Variants in TCTN3 observed in about 807,000 individuals in gnomAD.
TCTN3 encodes tectonic family member 3.
In TCTN3, 57 loss-of-function variants were observed where a neutral mutation model predicts 71.3. The ratio of observed to expected loss-of-function variants is 0.80; its 90% confidence interval spans 0.65 to 1.00. The LOEUF is 1.00. TCTN3 is among the 50% of genes least tolerant of loss of function. The pLI is 0.00. For synonymous variants in TCTN3, 258 were observed against 267.8 expected, an observed-to-expected ratio of 0.96 and a Z score of 0.36; for missense variants, 696 against 719.9, an observed-to-expected ratio of 0.97 and a Z score of 0.38.
chr10:95,688,413 A>G lies in TCTN3; in HGVS notation c.500-694T>C, dbSNP rs59311773. ...CAAAAAAAAGAAAAAAAAAAAAAAA[A>G]AAAAAGAAAAAAAAAGAAAATAGGA... On this transcript the variant is annotated intron_variant, in intron 3 of 13. Transcript: ENST00000371217. 7.1e-5 allele frequency among the ~76,000 whole-genome samples: 8 copies of G among 113,040 alleles called. No homozygotes were observed. In the South Asian group the frequency reaches 9.4e-4, roughly 13 times the overall value. 74.2% of individuals were successfully genotyped at this position (113,040 alleles called of 152,430 possible). A position where few individuals can be genotyped will look rare whatever the true frequency, so the allele number is the denominator to read the frequency against.
chr10:95,668,644 T>TC (rs113729469), intron 13 of TCTN3, among the ~76,000 whole-genome samples: 26 of 150,836 alleles, frequency 1.7e-4, no homozygotes, highest in East Asian at 7.8e-4. Context: ...ACATGCATCT[T>TC]CCCCCCCCAA....
chr10:95,672,685 CTTTTTTT>C (rs766029244), intron 13 of TCTN3, among the ~76,000 whole-genome samples: 1 of 80,374 alleles, frequency 1.2e-5, no homozygotes, highest in African/African-American at 4.8e-5. Context: ...CTGTTCAAAT[CTTTTTTT>C]TTTTTTTTTT....
chr10:95,671,065 T>C (rs899724080), intron 13 of TCTN3, among the ~76,000 whole-genome samples: 1 of 152,182 alleles, frequency 6.6e-6, no homozygotes, highest in African/African-American at 2.4e-5. Flanking sequence ...ATTTTTCCAT[T>C]TGTGTTTTAA....
rs1050687013 is a variant in TCTN3 at position 95,691,102 on chromosome 10, T to C, written c.499+1818A>G. ...AGCAGGGAGCACCAGGTAGGTGCCA[T>C]TGCAATAACCCTGGAGCATGATCAT... On this transcript the variant is annotated intron_variant, in intron 3 of 13. Coordinates refer to ENST00000371217, the MANE Select transcript of TCTN3 (RefSeq NM_015631.6). Among the ~76,000 whole-genome samples, 21 of 152,294 alleles carry C rather than the reference T, an allele frequency of 1.4e-4. No homozygotes were observed. In the East Asian group the frequency reaches 3.5e-3, roughly 25 times the overall value.
At chr10:95,686,597 C>T (rs1386406277) in intron 6 of TCTN3, 67 bp from the exon 7 acceptor site, 1 of 1,503,096 alleles carries the variant, frequency 6.7e-7, no homozygotes, top group East Asian at 2.3e-5. Flanking sequence ...CTTGTGGTTT[C>T]ATATTACTAC....
chr10:95,677,160 G>A (rs2097937905), intron 13 of TCTN3, among the ~76,000 whole-genome samples: 1 of 152,084 alleles, frequency 6.6e-6, no homozygotes. Flanking sequence ...AATTGATACT[G>A]CATATTCCTT....
chr10:95,666,095 C>G (rs2097925393), intron 13 of TCTN3, among the ~76,000 whole-genome samples: 1 of 152,066 alleles, frequency 6.6e-6, no homozygotes, highest in Non-Finnish European at 1.5e-5. Context: ...TGCCCACCAT[C>G]ACACCTGGCT....
chr10:95,680,740 A>C (rs201418291), intron 12 of TCTN3, 131 bp from the exon 13 acceptor site: 1 of 1,006,010 alleles, frequency 9.9e-7, no homozygotes, highest in Non-Finnish European at 1.4e-6. Context: ...GTGGAAGAAC[A>C]CAAAAGTTCA....
rs139612049 is a variant in TCTN3 at position 95,680,572 on chromosome 10, G to A, written c.1490C>T (p.Ser497Phe). 1 of 1,614,112 alleles carries A rather than the reference G, an allele frequency of 6.2e-7. No individual in the cohort carries two copies. Among genetic ancestry groups the A allele is most frequent in the Admixed American group, 1.7e-5 (1 of 60,014 alleles). Residue 497 changes from serine to phenylalanine, a missense_variant, in exon 13 of 14, where the codon TCC (serine) becomes TTC (phenylalanine). Ser to Phe is a radical substitution (Grantham distance 155). Coordinates refer to ENST00000371217, the MANE Select transcript of TCTN3 (RefSeq NM_015631.6). The part of the protein sequence containing the change: ...NCTSCCLIPV[S>F]LEIQVLWAYV... Reference sequence around the variant, plus strand: ...TGCCCACAATACCTGGATCTCCAGGGAAACTGGTATGAGACAGCAGGAAGT... The same window carrying A: ...TGCCCACAATACCTGGATCTCCAGGAAAACTGGTATGAGACAGCAGGAAGT...
intron 3 of TCTN3, among the ~76,000 whole-genome samples, chr10:95,691,817 A>G (rs976934608): frequency 1.3e-5 from 2 of 152,218 alleles, no homozygotes; most frequent in African/African-American, 4.8e-5. Context: ...ATTGTACTCT[A>G]CAGTTGTAGA....
chr10:95,677,287 A>G (rs562185979), intron 13 of TCTN3, among the ~76,000 whole-genome samples: 1 of 152,260 alleles, frequency 6.6e-6, no homozygotes, highest in South Asian at 2.1e-4. Flanking sequence ...AGAACCCTAA[A>G]TAGTATAAAA....
chr10:95,693,176 T>C lies in TCTN3; in HGVS notation c.381-138A>G, dbSNP rs1373959623. 3 of 1,237,706 alleles carry C rather than the reference T, an allele frequency of 2.4e-6. No individual in the cohort carries two copies. The East Asian group carries it at 7.6e-5, about 31-fold the overall frequency. 76.7% of individuals were successfully genotyped at this position (1,237,706 alleles called of 1,614,324 possible). On this transcript the variant is annotated intron_variant, in intron 2 of 13. Coordinates refer to ENST00000371217, the MANE Select transcript of TCTN3 (RefSeq NM_015631.6). ...ATAGGACGACACGAAGGTCTTATTC[T>C]ACTGGCCAGCCCTGCTCTAGAGAAT...
In TCTN3 at chr10:95,686,542, G is replaced by A; in HGVS notation, c.853-12C>T. 1 of 1,613,996 alleles carries A rather than the reference G, an allele frequency of 6.2e-7. No homozygotes were observed. The highest frequency in any genetic ancestry group is 1.1e-5 in the South Asian group (1 of 91,064). On this transcript the variant is annotated splice_polypyrimidine_tract_variant and intron_variant, in intron 6 of 13. Coordinates refer to ENST00000371217, the MANE Select transcript of TCTN3 (RefSeq NM_015631.6). The stretch of plus-strand genomic sequence containing the variant: ...ATGCTTCTTGGAACCTAGGAGAACA[G>A]CAGGGACATGAATGTGCATATACCT...
intron 12 of TCTN3, among the ~76,000 whole-genome samples, chr10:95,681,775 A>G (rs1478505513): frequency 1.3e-5 from 2 of 152,258 alleles, no homozygotes; most frequent in Non-Finnish European, 1.5e-5. Context: ...TGCTGACCAA[A>G]TATTCAAGAA....
At chr10:95,682,369 A>T (rs1295499102) in intron 12 of TCTN3, among the ~76,000 whole-genome samples, 2 of 151,602 alleles carry the variant, frequency 1.3e-5, no homozygotes, top group Non-Finnish European at 2.9e-5. Flanking sequence ...GGGTGCCTGC[A>T]GTCCCAGCTA....
intron 11 of TCTN3, 88 bp downstream of exon 11, chr10:95,683,013 T>C: frequency 7.3e-7 from 1 of 1,374,044 alleles, no homozygotes; most frequent in Non-Finnish European, 1.0e-6. Flanking sequence ...TTTTCCGAAC[T>C]GTCATTAAAA....
intron 4 of TCTN3, 47 bp downstream of exon 4, chr10:95,687,545 A>G (rs2139750291): frequency 6.2e-7 from 1 of 1,603,766 alleles, no homozygotes; most frequent in Non-Finnish European, 8.5e-7. Context: ...GTCTGCTGTG[A>G]GAGTAAAAAC....
At chr10:95,669,054 T>C (rs186408633) in intron 13 of TCTN3, among the ~76,000 whole-genome samples, 16 of 152,336 alleles carry the variant, frequency 1.1e-4, no homozygotes, top group African/African-American at 3.6e-4. Context: ...TGCCGCAGCA[T>C]GCATATTCAC....
At chr10:95,687,546 G>C in intron 4 of TCTN3, 46 bp downstream of exon 4, 6 of 1,604,554 alleles carry the variant, frequency 3.7e-6, no homozygotes, top group Non-Finnish European at 5.1e-6. Context: ...TCTGCTGTGA[G>C]AGTAAAAACT....
Sources: gnomAD v4.1 joint callset for allele counts (sites outside exome capture counted in the v4.1 genomes callset) on GRCh38, gnomAD v4.1.1 for gene constraint, MANE v1.5 for transcripts, NCBI Gene and HGNC (gene_info 2026-07-23, HGNC 2026-07-21) for gene names.